Variants in GALNT8 observed in about 807,000 individuals in gnomAD.
The protein encoded by GALNT8 is probable polypeptide N-acetylgalactosaminyltransferase 8.
Under a neutral mutation model 62.7 loss-of-function variants are expected in GALNT8, and 66 were observed. That is an observed-to-expected ratio of 1.05 (90% CI 0.86 to 1.29). GALNT8 has a LOEUF of 1.29. Among genes scored for constraint, GALNT8 ranks in the 50% most tolerant of loss-of-function variants. The pLI is 0.00. For synonymous variants in GALNT8, 288 were observed against 294.3 expected, an observed-to-expected ratio of 0.98 and a Z score of 0.22; for missense variants, 771 against 791.8, an observed-to-expected ratio of 0.97 and a Z score of 0.32.
intron 1 of GALNT8, among the ~76,000 whole-genome samples, chr12:4,722,270 G>A (rs1390760295): frequency 2.0e-5 from 3 of 152,128 alleles, no homozygotes; most frequent in East Asian, 3.9e-4. Flanking sequence ...TCCATTTTGC[G>A]GTGTGCTCCT....
rs1591561219 is a variant in GALNT8, at chr12:4,720,545, C to T, written c.-133C>T. 19 of 666,106 alleles carry T rather than the reference C, an allele frequency of 2.9e-5. No individual in the cohort carries two copies. The East Asian group carries it at 5.1e-4, about 18-fold the overall frequency. The allele number at this position is 666,106 out of a possible 1,614,324, so 41.3% of individuals were successfully genotyped here. A position where few individuals can be genotyped will look rare whatever the true frequency, so the allele number is the denominator to read the frequency against. ...CACCCGTGGCTTCCCATGGGTGTCT[C>T]ACACAGGGGAGACCAACTCAACTGG... On this transcript the variant is annotated 5_prime_UTR_variant, in exon 1 of 11. Coordinates refer to ENST00000252318, the MANE Select transcript of GALNT8 (RefSeq NM_017417.2).
At chr12:4,772,362 C>T in intron 10 of GALNT8, 83 bp from the exon 11 acceptor site, 1 of 1,246,354 alleles carries the variant, frequency 8.0e-7, no homozygotes, top group Admixed American at 1.8e-5. Context: ...TGTGGCTGAG[C>T]ACAGCAGGGA....
chr12:4,772,530 C>T lies in GALNT8; in HGVS notation c.1847C>T (p.Thr616Ile), dbSNP rs1157877156. 8.7e-6 allele frequency: 14 copies of T among 1,612,206 alleles called. No homozygotes were observed. The highest frequency in any genetic ancestry group is 1.3e-5 in the African/African-American group (1 of 74,852). Reference protein sequence around the residue: ...LLGSHVLVLQTCSTQVWEIQH... With the variant: ...LLGSHVLVLQICSTQVWEIQH... ...GGTAGCCACGTGCTTGTGCTCCAGA[C>T]CTGTAGCACGCAAGTGTGGGAAATC... Residue 616 changes from threonine to isoleucine, a missense_variant, in exon 11 of 11, where the codon ACC becomes ATC. By Grantham distance (89) the Thr-to-Ile change is moderately conservative. Coordinates refer to ENST00000252318, the MANE Select transcript of GALNT8 (RefSeq NM_017417.2).
chr12:4,728,431 AC>A (rs750023178), intron 2 of GALNT8, among the ~76,000 whole-genome samples: 5 of 152,100 alleles, frequency 3.3e-5, no homozygotes. Flanking sequence ...TATCTAAGAG[AC>A]CTTGCTTGGT....
intron 2 of GALNT8, among the ~76,000 whole-genome samples, chr12:4,737,564 C>A (rs932106920): frequency 4.0e-4 from 61 of 152,198 alleles, no homozygotes; most frequent in African/African-American, 1.4e-3. Context: ...GAAAGAGAAA[C>A]TATTTTACCA....
intron 6 of GALNT8, 115 bp from the exon 7 acceptor site, chr12:4,760,843 G>A (rs1423844920): frequency 1.3e-6 from 1 of 780,654 alleles, no homozygotes; most frequent in African/African-American, 1.7e-5. Flanking sequence ...GCAGGAGTGG[G>A]AGGACTGAGC....
intron 5 of GALNT8, 38 bp from the exon 6 acceptor site, chr12:4,746,106 T>C (rs775766334): frequency 8.3e-7 from 1 of 1,207,124 alleles, no homozygotes; most frequent in Admixed American, 1.7e-5. Flanking sequence ...CTCCGCTCCT[T>C]ATGGAGAGAT....
chr12:4,729,981 A>G (rs1313883655), intron 2 of GALNT8, among the ~76,000 whole-genome samples: 5 of 152,178 alleles, frequency 3.3e-5, no homozygotes, highest in African/African-American at 7.2e-5. Flanking sequence ...TGGTTAATAT[A>G]TGGAACATTT....
chr12:4,739,143 A>G lies in GALNT8; in HGVS notation c.510-20A>G. On this transcript the variant is annotated intron_variant, in intron 2 of 10. Transcript: ENST00000252318. ...AGTAATTAAAAAAAAATAATATGTT[A>G]TAAAAATGGTCTCTTATAGATGTCT... The G allele has an allele frequency of 1.3e-6, 2 of 1,519,744 alleles. No homozygotes were observed. The highest frequency in any genetic ancestry group is 1.8e-6 in the Non-Finnish European group (2 of 1,111,392). The allele number at this position is 1,519,744 out of a possible 1,614,324, so 94.1% of individuals were successfully genotyped here. A position where few individuals can be genotyped will look rare whatever the true frequency, so the allele number is the denominator to read the frequency against.
Position 4,761,171 on chromosome 12 carries a change from G to A in GALNT8, c.1359+28G>A, listed in dbSNP as rs201577168. 7.1e-5 allele frequency: 113 copies of A among 1,591,392 alleles called. 1 individual carries two copies. In the African/African-American group the frequency reaches 1.3e-3, roughly 18 times the overall value. ...GAGTCATGGAATTGAACAGCAGCAC[G>A]GAAGAATGAAAGAGGAGGAGGTGGC... On this transcript the variant is annotated intron_variant, in intron 7 of 10. Transcript: ENST00000252318.
intron 2 of GALNT8, among the ~76,000 whole-genome samples, chr12:4,734,724 C>G (rs1430625019): frequency 6.6e-6 from 1 of 152,050 alleles, no homozygotes; most frequent in Non-Finnish European, 1.5e-5. Context: ...TTTAGTCCCT[C>G]TAGGATGAAG....
chr12:4,763,599 G>C (rs1043224702), intron 8 of GALNT8, among the ~76,000 whole-genome samples: 5 of 151,980 alleles, frequency 3.3e-5, no homozygotes, highest in African/African-American at 1.2e-4. Flanking sequence ...TACTCCCCTT[G>C]AAAACTATAG....
chr12:4,739,804 A>G (rs969072759), intron 3 of GALNT8, among the ~76,000 whole-genome samples: 3 of 151,874 alleles, frequency 2.0e-5, no homozygotes, highest in Non-Finnish European at 4.4e-5. Context: ...AGCTGGGACT[A>G]CAGGCACCTA....
intron 10 of GALNT8, among the ~76,000 whole-genome samples, chr12:4,767,717 AT>A (rs1946405951): frequency 6.6e-6 from 1 of 152,232 alleles, no homozygotes; most frequent in Admixed American, 6.5e-5. Context: ...GGTGCTAAAT[AT>A]GAGTTTTTGA....
chr12:4,745,978 C>T (rs925416854), intron 5 of GALNT8, among the ~76,000 whole-genome samples, 166 bp from the exon 6 acceptor site: 6 of 152,102 alleles, frequency 3.9e-5, no homozygotes, highest in African/African-American at 1.2e-4. Context: ...ACGCAGTGGG[C>T]GAGGGAAAGC....
At chr12:4,738,374 G>A (rs1946255482) in intron 2 of GALNT8, among the ~76,000 whole-genome samples, 2 of 152,158 alleles carry the variant, frequency 1.3e-5, no homozygotes, top group Non-Finnish European at 2.9e-5. Flanking sequence ...GAGTTTCTTA[G>A]GTATGACACC....
chr12:4,739,299 A>G lies in GALNT8; in HGVS notation c.646A>G (p.Ile216Val). 1 of 1,613,774 alleles carries G rather than the reference A, an allele frequency of 6.2e-7. No individual in the cohort carries two copies. Among genetic ancestry groups the G allele is most frequent in the Non-Finnish European group, 8.5e-7 (1 of 1,179,866 alleles). ...GACGCCCTCTCGATTGTTGAAGGAA[A>G]TCATCTTGGTGGATGATTTCAGCTC... ...NRTPSRLLKEIILVDDFSSNG... is the reference protein window; with the variant it reads ...NRTPSRLLKEVILVDDFSSNG... Residue 216 changes from isoleucine (I) to valine (V), a missense_variant, in exon 3 of 11, where the codon ATC (isoleucine) becomes GTC (valine). Physicochemically the swap from Ile to Val is conservative, Grantham distance 29 (BLOSUM62 3). Transcript: ENST00000252318.
chr12:4,722,058 A>G (rs1304355251), intron 1 of GALNT8, among the ~76,000 whole-genome samples: 1 of 152,198 alleles, frequency 6.6e-6, no homozygotes, highest in Non-Finnish European at 1.5e-5. Flanking sequence ...TTCAGGGAGC[A>G]CGGGGTTGGG....
At position 4,726,704 on chromosome 12, in the gene GALNT8, GGGCGA is replaced by G. The variant is rs1479474357; in HGVS notation, c.387_391del (p.Glu130SerfsTer3). ...CACACTCACAGCTTTTCAGGCAATG[GGGCGA>G]GGATCTTTCTGAGGCCCAGCAGAAG... is the stretch of plus-strand genomic sequence containing the variant. On this transcript the variant is annotated frameshift_variant, in exon 2 of 11. Coordinates refer to ENST00000252318, the MANE Select transcript of GALNT8 (RefSeq NM_017417.2). LOFTEE classifies it high-confidence loss of function. The surrounding 1 kb of genome is among the most constrained non-coding windows in gnomAD (Gnocchi z 4.1). 6.2e-7 allele frequency: 1 copy of G among 1,614,048 alleles called. No individual in the cohort carries two copies. The highest frequency in any genetic ancestry group is 1.7e-5 in the Admixed American group (1 of 59,998).
Sources: allele counts gnomAD v4.1 joint callset (sites outside exome capture counted in the v4.1 genomes callset), GRCh38; gene constraint gnomAD v4.1.1; non-coding constraint Gnocchi (gnomAD v3.1); transcripts MANE v1.5; gene names NCBI Gene and HGNC (gene_info 2026-07-23, HGNC 2026-07-21).